The following GABRG3 variants were observed in gnomAD, a reference collection of about 807,000 sequenced individuals.
GABRG3 encodes the protein gamma-aminobutyric acid receptor subunit gamma-3.
GABRG3 carries 25 observed loss-of-function variants against 48.8 expected under a neutral mutation model. The observed-to-expected ratio is 0.51, with a 90% confidence interval of 0.37 to 0.72. The LOEUF is 0.72. GABRG3 is among the 30% of genes least tolerant of loss of function. The pLI, the probability that GABRG3 is intolerant of heterozygous loss-of-function variation, is 0.00. For synonymous variants in GABRG3, 227 were observed against 217.6 expected, an observed-to-expected ratio of 1.04 and a Z score of -0.38; for missense variants, 394 against 577.9, an observed-to-expected ratio of 0.68 and a Z score of 3.26.
At chr15:27,276,033 G>T (rs1468390036) in intron 3 of GABRG3, among the ~76,000 whole-genome samples, 1 of 152,228 alleles carries the variant, frequency 6.6e-6, no homozygotes, top group Non-Finnish European at 1.5e-5. Context: ...CACAGGACTT[G>T]TGGGAACAAA....
chr15:27,066,517 A>G (rs60283970), intron 3 of GABRG3, among the ~76,000 whole-genome samples: 2,809 of 152,318 alleles, frequency 0.018, 91 homozygotes, highest in African/African-American at 0.063. Context: ...CCTGGAAGAA[A>G]AAGAAAAATA....
chr15:27,029,244 A>G (rs1286417698), intron 3 of GABRG3, among the ~76,000 whole-genome samples: 1 of 152,162 alleles, frequency 6.6e-6, no homozygotes, highest in Non-Finnish European at 1.5e-5. Context: ...AGCAGCTGGC[A>G]CGCAGCCCTG....
At chr15:27,341,771 C>T (rs1894188231) in intron 5 of GABRG3, among the ~76,000 whole-genome samples, 1 of 152,132 alleles carries the variant, frequency 6.6e-6, no homozygotes, top group Non-Finnish European at 1.5e-5. Context: ...ACAGTCAGAA[C>T]CAAAAGACAC....
chr15:27,513,682 A>G (rs977613546), intron 6 of GABRG3, among the ~76,000 whole-genome samples: 1 of 150,406 alleles, frequency 6.6e-6, no homozygotes, highest in African/African-American at 2.5e-5. Context: ...AAACTGTTTA[A>G]AGGCTGTATT....
At chr15:27,379,602 G>T (rs1895703875) in intron 5 of GABRG3, among the ~76,000 whole-genome samples, 1 of 152,134 alleles carries the variant, frequency 6.6e-6, no homozygotes, top group Admixed American at 6.5e-5. Flanking sequence ...TTTCCTGCAA[G>T]GCAGGTCTAT....
At chr15:27,310,263 G>C (rs1892949989) in intron 3 of GABRG3, among the ~76,000 whole-genome samples, 1 of 152,054 alleles carries the variant, frequency 6.6e-6, no homozygotes, top group Admixed American at 6.6e-5. Flanking sequence ...TGATTATGTT[G>C]ATAGCTACAC....
At chr15:27,159,171 A>G (rs1365543215) in intron 3 of GABRG3, among the ~76,000 whole-genome samples, 2 of 152,162 alleles carry the variant, frequency 1.3e-5, no homozygotes, top group African/African-American at 4.8e-5. Flanking sequence ...GAATAAGATA[A>G]TACTAAAAGA....
chr15:27,244,205 C>G (rs144518750), intron 3 of GABRG3, among the ~76,000 whole-genome samples: 33 of 152,276 alleles, frequency 2.2e-4, no homozygotes, highest in African/African-American at 7.7e-4. Flanking sequence ...AAGAGAGGTG[C>G]TCACTGAGCT....
intron 5 of GABRG3, among the ~76,000 whole-genome samples, chr15:27,394,039 C>T (rs1427913948): frequency 6.6e-6 from 1 of 152,164 alleles, no homozygotes; most frequent in Non-Finnish European, 1.5e-5. Context: ...TTAATCTATT[C>T]TGCCAATCTG....
chr15:27,188,410 AT>A (rs1888171284), intron 3 of GABRG3, among the ~76,000 whole-genome samples: 1 of 152,232 alleles, frequency 6.6e-6, no homozygotes, highest in East Asian at 1.9e-4. Context: ...CTTTTTCATG[AT>A]TGCCATTCTA....
In GABRG3 at chr15:27,307,379, A is replaced by ATT. The variant is rs1555370008; in HGVS notation, c.271-19428_271-19427dup. On this transcript the variant is annotated intron_variant, in intron 3 of 9. Transcript: ENST00000615808. ...TATATATAACCATATAGGTTTATAT[A>ATT]TTTATATATAACCATATAGGTTTAT... 2.4e-3 allele frequency among the ~76,000 whole-genome samples: 53 copies of ATT among 21,872 alleles called. 10 individuals carry two copies. Among genetic ancestry groups the ATT allele is most frequent in the African/African-American group, 9.6e-3 (52 of 5,400 alleles). 14.3% of individuals were successfully genotyped at this position (21,872 alleles called of 152,430 possible).
intron 7 of GABRG3, among the ~76,000 whole-genome samples, chr15:27,526,322 G>T (rs1891276345): frequency 6.6e-6 from 1 of 152,206 alleles, no homozygotes; most frequent in Admixed American, 6.5e-5. Context: ...CTGCAGCAAA[G>T]GTGGAAAGTA....
intron 3 of GABRG3, among the ~76,000 whole-genome samples, chr15:27,296,846 T>C (rs1892003030): frequency 9.2e-6 from 1 of 108,562 alleles, no homozygotes. Flanking sequence ...GTACTCCTTC[T>C]ACTTTTTTTT....
At chr15:27,028,771 A>G (rs1229030899) in intron 3 of GABRG3, among the ~76,000 whole-genome samples, 2 of 143,216 alleles carry the variant, frequency 1.4e-5, no homozygotes, top group Non-Finnish European at 3.0e-5. Flanking sequence ...GAGCCACTGC[A>G]CTCCAGCCTG....
chr15:27,526,705 C>T (rs3101635), intron 7 of GABRG3, among the ~76,000 whole-genome samples: 95,317 of 151,972 alleles, frequency 0.63, 31,052 homozygotes, highest in African/African-American at 0.81. Flanking sequence ...CAGTGTTGAC[C>T]CATGCATATA....
intron 2 of GABRG3, among the ~76,000 whole-genome samples, chr15:27,016,093 T>A (rs113461180): frequency 0.015 from 2,237 of 152,234 alleles, 48 homozygotes; most frequent in African/African-American, 0.049. Flanking sequence ...AAAGTAATTT[T>A]TATATATTTA....
chr15:27,386,548 G>T (rs935233112), intron 5 of GABRG3, among the ~76,000 whole-genome samples: 3 of 151,942 alleles, frequency 2.0e-5, no homozygotes, highest in African/African-American at 7.3e-5. Context: ...GAACTTGGGG[G>T]ACTTTTTTTT....
At chr15:27,009,863 TTCC>T (rs753729362) in intron 2 of GABRG3, among the ~76,000 whole-genome samples, 17 of 151,692 alleles carry the variant, frequency 1.1e-4, no homozygotes, top group Non-Finnish European at 1.6e-4. Context: ...TCCTCTTCCT[TTCC>T]TCCTCCTCCT....
intron 2 of GABRG3, among the ~76,000 whole-genome samples, chr15:27,018,891 T>C (rs1895827323): frequency 6.6e-6 from 1 of 152,060 alleles, no homozygotes; most frequent in Non-Finnish European, 1.5e-5. Context: ...AAAAAAGCAT[T>C]TGAAAACAAA....
Sources: gnomAD v4.1 joint callset for allele counts (sites outside exome capture counted in the v4.1 genomes callset) on GRCh38, gnomAD v4.1.1 for gene constraint, MANE v1.5 for transcripts, NCBI Gene and HGNC (gene_info 2026-07-23, HGNC 2026-07-21) for gene names.